ZNF79: variants seen among roughly 807,000 people sequenced by gnomAD.
ZNF79 encodes the protein zinc finger protein 79.
In ZNF79, 13 loss-of-function variants were observed where a neutral mutation model predicts 14.9. The observed-to-expected ratio is 0.87, with a 90% confidence interval of 0.57 to 1.38. The LOEUF is 1.38. Ranked by LOEUF, ZNF79 falls within the 40% of genes most tolerant of loss-of-function variation. The pLI is 0.00. For synonymous variants in ZNF79, 223 were observed against 235.1 expected (o/e 0.95, Z 0.47); for missense variants, 631 against 630.6 (o/e 1.00, Z -0.01).
chr9:127,424,959 A>G, intron 1 of ZNF79, 156 bp downstream of exon 1: 1 of 1,503,462 alleles, frequency 6.7e-7, no homozygotes, highest in South Asian at 1.3e-5. Flanking sequence ...ACACAGCCCC[A>G]GGAGATCCTG....
At chr9:127,439,234 ATC>A (rs1448615583) in intron 4 of ZNF79, among the ~76,000 whole-genome samples, 3 of 152,050 alleles carry the variant, frequency 2.0e-5, no homozygotes, top group African/African-American at 7.2e-5. Flanking sequence ...ATACACGTAT[ATC>A]TCATATCTCG....
At position 127,438,845 on chromosome 9, in the gene ZNF79, T is replaced by C. The variant is rs1409268067; in HGVS notation, c.328+2842T>C. 2.6e-5 allele frequency among the ~76,000 whole-genome samples: 4 copies of C among 152,282 alleles called. No homozygotes were observed. In the East Asian group the frequency reaches 7.7e-4, roughly 29 times the overall value. On this transcript the variant is annotated intron_variant, in intron 4 of 4. Transcript: ENST00000342483. ...TGTAGCAATGGCTGGGCGCAGTGGC[T>C]CACGCTTGTAATCCTAGCACTTTGG...
chr9:127,424,826 A>T, intron 1 of ZNF79, 23 bp downstream of exon 1: 2 of 1,613,648 alleles, frequency 1.2e-6, no homozygotes, highest in African/African-American at 1.3e-5. Flanking sequence ...AGAGGGAGCG[A>T]TTGTCAAGAG....
chr9:127,439,985 C>T lies in ZNF79; in HGVS notation c.328+3982C>T, dbSNP rs188006747. Among the ~76,000 whole-genome samples, 415 of 152,296 alleles carry T rather than the reference C, an allele frequency of 2.7e-3. 4 individuals carry two copies. Among genetic ancestry groups the T allele is most frequent in the African/African-American group, 9.6e-3 (400 of 41,574 alleles). ...TCATGCCATTCTCCTGCCCCAGCCT[C>T]CCGAGTAGCTGGGACTACAGGCACC... On this transcript the variant is annotated intron_variant, in intron 4 of 4. Coordinates refer to ENST00000342483, the MANE Select transcript of ZNF79 (RefSeq NM_007135.3).
At chr9:127,441,668 G>T (rs1834049528) in intron 4 of ZNF79, among the ~76,000 whole-genome samples, 2 of 152,158 alleles carry the variant, frequency 1.3e-5, no homozygotes, top group Admixed American at 6.5e-5. Flanking sequence ...AAAATTGGCT[G>T]GGTGCGGTGG....
intron 1 of ZNF79, 131 bp downstream of exon 1, chr9:127,424,934 C>T (rs1312479878): frequency 7.2e-6 from 11 of 1,535,660 alleles, no homozygotes; most frequent in Non-Finnish European, 8.8e-6. Context: ...ATCATTTTTT[C>T]TTTCTTTGCC....
rs778542928 is a variant in ZNF79 at position 127,444,888 on chromosome 9, G to A, written c.1188G>A (p.Lys396=). The change falls in exon 5 of 5, where the codon AAG becomes AAA. Residue 396 remains lysine (K), a synonymous_variant. Coordinates refer to ENST00000342483, the MANE Select transcript of ZNF79 (RefSeq NM_007135.3). ...EKPYKCSECG[K]AFSQSTNLII... Reference sequence around the variant, plus strand: ...CCTACAAGTGCAGCGAGTGTGGGAAGGCCTTCAGCCAGAGTACCAATCTCA... The same window carrying A: ...CCTACAAGTGCAGCGAGTGTGGGAAAGCCTTCAGCCAGAGTACCAATCTCA... The A allele has an allele frequency of 2.5e-6, 4 of 1,614,022 alleles. No homozygotes were observed. Among genetic ancestry groups the A allele is most frequent in the Admixed American group, 3.3e-5 (2 of 59,998 alleles).
At chr9:127,426,688 T>C (rs545152962) in intron 1 of ZNF79, among the ~76,000 whole-genome samples, 1 of 152,386 alleles carries the variant, frequency 6.6e-6, no homozygotes, top group East Asian at 1.9e-4. Flanking sequence ...GGTTATAGCA[T>C]GCGTCAGTAC....
chr9:127,443,952 A>C, intron 4 of ZNF79, 77 bp from the exon 5 acceptor site: 1 of 1,303,886 alleles, frequency 7.7e-7, no homozygotes, highest in East Asian at 2.3e-5. Context: ...TGTGTGTGTA[A>C]GAGCTTGGCC....
At chr9:127,442,611 C>G (rs1315354053) in intron 4 of ZNF79, among the ~76,000 whole-genome samples, 1 of 152,104 alleles carries the variant, frequency 6.6e-6, no homozygotes, top group Non-Finnish European at 1.5e-5. Context: ...TTACTTTACA[C>G]ATTTTTCTTT....
Position 127,444,740 on chromosome 9 carries a change from C to T in ZNF79, c.1040C>T (p.Ala347Val), listed in dbSNP as rs756298902. Residue 347 changes from alanine to valine, a missense_variant, in exon 5 of 5, where the codon GCG (alanine) becomes GTG (valine). By Grantham distance (64) the Ala-to-Val change is moderately conservative (BLOSUM62 0). Transcript: ENST00000342483. ...ECGKAFSYCAAFIQHQRIHTG... is the reference protein window; with the variant it reads ...ECGKAFSYCAVFIQHQRIHTG... ...GGGAAGGCCTTCAGTTACTGCGCAG[C>T]GTTCATTCAGCACCAGAGGATTCAC... is the stretch of plus-strand genomic sequence containing the variant. The T allele has an allele frequency of 6.8e-6, 11 of 1,608,468 alleles. No individual in the cohort carries two copies. Among genetic ancestry groups the T allele is most frequent in the South Asian group, 5.5e-5 (5 of 90,820 alleles).
In ZNF79 at chr9:127,424,584, G is replaced by A; in HGVS notation, c.-204G>A. 1.7e-6 allele frequency: 1 copy of A among 603,548 alleles called. No individual in the cohort carries two copies. The highest frequency in any genetic ancestry group is 2.9e-6 in the Non-Finnish European group (1 of 350,872). 37.4% of individuals were successfully genotyped at this position (603,548 alleles called of 1,614,324 possible). A position where few individuals can be genotyped will look rare whatever the true frequency, so the allele number is the denominator to read the frequency against. ...GTGGCTGTGACTCGGGAGACGGAGT[G>A]GAACACCCGGCTGGGCAGGCCCGGA... On this transcript the variant is annotated 5_prime_UTR_variant, in exon 1 of 5. Coordinates refer to ENST00000342483, the MANE Select transcript of ZNF79 (RefSeq NM_007135.3).
At chr9:127,436,890 CAACT>C (rs2131954848) in intron 4 of ZNF79, among the ~76,000 whole-genome samples, 1 of 152,092 alleles carries the variant, frequency 6.6e-6, no homozygotes, top group South Asian at 2.1e-4. Flanking sequence ...AACCCCATCT[CAACT>C]AAAAATACAA....
intron 4 of ZNF79, among the ~76,000 whole-genome samples, chr9:127,438,784 T>C (rs1250104173): frequency 6.6e-6 from 1 of 152,170 alleles, no homozygotes; most frequent in Non-Finnish European, 1.5e-5. Flanking sequence ...ATTCTGTTTC[T>C]GAGGCCTAAA....
At chr9:127,441,205 T>G (rs1454570107) in intron 4 of ZNF79, among the ~76,000 whole-genome samples, 2 of 152,136 alleles carry the variant, frequency 1.3e-5, no homozygotes, top group Non-Finnish European at 2.9e-5. Flanking sequence ...GTGCTCTTGG[T>G]GGACTGGGGG....
At chr9:127,427,087 C>T (rs948792076) in intron 1 of ZNF79, among the ~76,000 whole-genome samples, 1 of 151,908 alleles carries the variant, frequency 6.6e-6, no homozygotes, top group Non-Finnish European at 1.5e-5. Flanking sequence ...GTATCTCTTG[C>T]TTGGAGAAAT....
At chr9:127,442,903 T>C (rs1433177620) in intron 4 of ZNF79, among the ~76,000 whole-genome samples, 1 of 152,056 alleles carries the variant, frequency 6.6e-6, no homozygotes, top group Non-Finnish European at 1.5e-5. Flanking sequence ...TTTTTACTTT[T>C]TAAACTCTTG....
At position 127,445,155 on chromosome 9, in the gene ZNF79, C is replaced by T. The variant is rs761141372; in HGVS notation, c.1455C>T (p.Ser485=). The part of the protein sequence containing the change: ...CSECGKAFRC[S]SAFVRHQRLH... Reference sequence around the variant, plus strand: ...AGTGTGGGAAGGCCTTCCGGTGCAGCTCTGCCTTCGTTAGACATCAGAGAC... The same window carrying T: ...AGTGTGGGAAGGCCTTCCGGTGCAGTTCTGCCTTCGTTAGACATCAGAGAC... The change falls in exon 5 of 5, where the codon AGC becomes AGT. Residue 485 remains serine (S), a synonymous_variant. Coordinates refer to ENST00000342483, the MANE Select transcript of ZNF79 (RefSeq NM_007135.3). 1.9e-6 allele frequency: 3 copies of T among 1,614,210 alleles called. No individual in the cohort carries two copies. The highest frequency in any genetic ancestry group is 2.2e-5 in the South Asian group (2 of 91,078).
Position 127,444,644 on chromosome 9 carries a change from G to A in ZNF79, c.944G>A (p.Arg315His), listed in dbSNP as rs150732904. 2.8e-5 allele frequency: 46 copies of A among 1,614,098 alleles called. No individual in the cohort carries two copies. The highest frequency in any genetic ancestry group is 3.5e-5 in the Non-Finnish European group (41 of 1,179,990). The change falls in exon 5 of 5, where the codon CGT becomes CAT. Residue 315 changes from arginine (R) to histidine (H), a missense_variant. Coordinates refer to ENST00000342483, the MANE Select transcript of ZNF79 (RefSeq NM_007135.3). Reference protein sequence around the residue: ...YECSDCGKAFRHSANLTNHQR... With the variant: ...YECSDCGKAFHHSANLTNHQR... ...TGCAGCGACTGTGGGAAGGCCTTCCGTCACAGTGCAAACCTCACGAACCAT... is the reference window on the plus strand; with the variant it reads ...TGCAGCGACTGTGGGAAGGCCTTCCATCACAGTGCAAACCTCACGAACCAT...
Sources: gnomAD v4.1 joint callset for allele counts (sites outside exome capture counted in the v4.1 genomes callset) on GRCh38, gnomAD v4.1.1 for gene constraint, MANE v1.5 for transcripts, NCBI Gene and HGNC (gene_info 2026-07-23, HGNC 2026-07-21) for gene names.